Variants in TBC1D21 observed in about 807,000 individuals in gnomAD.
TBC1D21 encodes the protein TBC1 domain family member 21.
A neutral mutation model predicts 46.0 loss-of-function variants in TBC1D21; 38 were observed. The ratio of observed to expected loss-of-function variants is 0.83; its 90% CI spans 0.64 to 1.08. The LOEUF (loss-of-function observed/expected upper bound fraction) is 1.08, where lower values mean the gene tolerates loss of function less well. Ranked by LOEUF, TBC1D21 falls within the 50% of genes least tolerant of loss-of-function variation. The probability of loss-of-function intolerance (pLI) is 0.00; values close to 1 mark genes in which losing one functional copy is unlikely to be tolerated. For missense variants in TBC1D21, 415 were observed against 417.9 expected (o/e 0.99, Z 0.06); for synonymous variants, 151 against 157.2 (o/e 0.96, Z 0.29).
downstream of TBC1D21, among the ~76,000 whole-genome samples, chr15:73,892,908 C>T (rs974294907): frequency 1.3e-5 from 2 of 152,066 alleles, no homozygotes; most frequent in South Asian, 2.1e-4. Flanking sequence ...ATGTCGGCGA[C>T]GTCAGTGATG....
At chr15:73,898,902 T>TATACAC in the TBC1D21 span, among the ~76,000 whole-genome samples, 2 of 112,876 alleles carry the variant, frequency 1.8e-5, no homozygotes, top group Non-Finnish European at 1.8e-5. Flanking sequence ...TATATATATA[T>TATACAC]ACACACACAC....
chr15:73,894,581 T>C, the TBC1D21 span, among the ~76,000 whole-genome samples: 2 of 151,680 alleles, frequency 1.3e-5, no homozygotes, highest in African/African-American at 4.8e-5. Context: ...CAGGGGTGAG[T>C]GTGGGGACCC....
intron 10 of TBC1D21, 126 bp downstream of exon 10, chr15:73,888,639 T>TTCTTCTTCCTCCTCC (rs1480860480): frequency 2.7e-5 from 18 of 673,976 alleles, no homozygotes; most frequent in Non-Finnish European, 3.8e-5. Context: ...CCTCCTCCTC[T>TTCTTCTTCCTCCTCC]TCTTCTTCCT....
chr15:73,905,014 G>A, the TBC1D21 span, among the ~76,000 whole-genome samples: 1 of 152,192 alleles, frequency 6.6e-6, no homozygotes, highest in African/African-American at 2.4e-5. Context: ...ACAAACTGGA[G>A]AGTGACAAAC....
chr15:73,877,973 A>T (rs1266423806), intron 1 of TBC1D21, among the ~76,000 whole-genome samples: 2 of 152,250 alleles, frequency 1.3e-5, no homozygotes, highest in African/African-American at 4.8e-5. Flanking sequence ...CTGAACTGTG[A>T]AAGCCTGAAT....
At chr15:73,890,409 G>T (rs2068327422), downstream of TBC1D21, among the ~76,000 whole-genome samples, 1 of 152,228 alleles carries the variant, frequency 6.6e-6, no homozygotes, top group South Asian at 2.1e-4. Flanking sequence ...GCTCATGTTT[G>T]CTGGGCAGGG....
the TBC1D21 span, among the ~76,000 whole-genome samples, chr15:73,904,022 T>C: frequency 6.6e-6 from 1 of 152,326 alleles, no homozygotes; most frequent in African/African-American, 2.4e-5. Flanking sequence ...CACTCCAGCC[T>C]GGGCAACAGA....
intron 8 of TBC1D21, 81 bp downstream of exon 8, chr15:73,886,693 C>G: frequency 7.6e-7 from 1 of 1,311,970 alleles, no homozygotes; most frequent in Non-Finnish European, 1.1e-6. Context: ...CTTGCCTCCC[C>G]CTTTCTTCCT....
chr15:73,893,824 C>G (rs563893238), downstream of TBC1D21, among the ~76,000 whole-genome samples: 12 of 152,290 alleles, frequency 7.9e-5, no homozygotes, highest in Admixed American at 1.3e-4. Context: ...TAGGAAGGGC[C>G]TCCACTGCCC....
At chr15:73,906,808 G>T in the TBC1D21 span, among the ~76,000 whole-genome samples, 2 of 152,184 alleles carry the variant, frequency 1.3e-5, no homozygotes, top group Non-Finnish European at 2.9e-5. Context: ...GATCTGAGTT[G>T]TGCTGAGTGT....
chr15:73,882,112 C>T lies in TBC1D21; in HGVS notation c.272+365C>T, dbSNP rs539037784. On this transcript the variant is annotated intron_variant, in intron 3 of 10. Coordinates refer to ENST00000300504, the MANE Select transcript of TBC1D21 (RefSeq NM_153356.3). Reference sequence around the variant, plus strand: ...CCACCCCAACTCCACCTCCTCCCTGCCCCCCATGGCTGAGCTGCCTCCCGG... The same window carrying T: ...CCACCCCAACTCCACCTCCTCCCTGTCCCCCATGGCTGAGCTGCCTCCCGG... Among the ~76,000 whole-genome samples the T allele has an allele frequency of 2.6e-5, 4 of 152,168 alleles. No homozygotes were observed. The South Asian group carries it at 8.3e-4, about 32-fold the overall frequency.
At chr15:73,885,813 C>T (rs1280312733) in intron 6 of TBC1D21, among the ~76,000 whole-genome samples, 1 of 106,882 alleles carries the variant, frequency 9.4e-6, no homozygotes, top group Non-Finnish European at 2.1e-5. Flanking sequence ...ACTACACACA[C>T]ATACACACAC....
rs544041405 is a variant in TBC1D21 at position 73,882,607 on chromosome 15, C to T, written c.272+860C>T. On this transcript the variant is annotated intron_variant, in intron 3 of 10. Transcript: ENST00000300504. ...TAACACACCATCTTTGAACTTGGAC[C>T]GTCTTGGATTTGGAAACCGGGTTCA... 2.0e-5 allele frequency among the ~76,000 whole-genome samples: 3 copies of T among 152,224 alleles called. No homozygotes were observed. The South Asian group carries it at 6.2e-4, about 32-fold the overall frequency.
At chr15:73,899,846 C>T in the TBC1D21 span, among the ~76,000 whole-genome samples, 1 of 152,182 alleles carries the variant, frequency 6.6e-6, no homozygotes, top group Non-Finnish European at 1.5e-5. Context: ...TAATTAAAAA[C>T]ATAGGCAGGA....
rs780837552 is a variant in TBC1D21, at chr15:73,887,630, C to T, written c.788C>T (p.Thr263Met). The T allele has an allele frequency of 1.7e-5, 27 of 1,613,860 alleles. No homozygotes were observed. Among genetic ancestry groups the T allele is most frequent in the East Asian group, 4.5e-5 (2 of 44,892 alleles). ...DVWRLWEVLL[T>M]GKPCRNFQVL... ...CGTCCTGACCCACAGGTTCTGCTGA[C>T]GGGGAAGCCCTGCAGGAACTTCCAG... The change falls in exon 9 of 11, where the codon ACG (threonine) becomes ATG (methionine). Residue 263 changes from threonine to methionine, a missense_variant. Thr to Met is a moderately conservative substitution (Grantham distance 81). Transcript: ENST00000300504.
chr15:73,889,701 A>G (rs2068320884), downstream of TBC1D21, among the ~76,000 whole-genome samples: 1 of 152,254 alleles, frequency 6.6e-6, no homozygotes, highest in African/African-American at 2.4e-5. Context: ...AGCCTCCCTC[A>G]TAATTGTGCC....
At chr15:73,878,254 T>C (rs1567063444) in intron 1 of TBC1D21, among the ~76,000 whole-genome samples, 1 of 152,212 alleles carries the variant, frequency 6.6e-6, no homozygotes, top group African/African-American at 2.4e-5. Context: ...TCTGCCATCA[T>C]AGCATGAAAA....
intron 9 of TBC1D21, 24 bp downstream of exon 9, chr15:73,887,760 A>G: frequency 1.3e-6 from 2 of 1,598,044 alleles, no homozygotes; most frequent in South Asian, 1.1e-5. Flanking sequence ...CGGGCAAGCT[A>G]CCACCCCTGC....
At chr15:73,903,428 C>A in the TBC1D21 span, among the ~76,000 whole-genome samples, 9 of 152,208 alleles carry the variant, frequency 5.9e-5, no homozygotes, top group Admixed American at 2.0e-4. Flanking sequence ...CTGTTCTGTA[C>A]ACTCAGAGGG....
Sources: gnomAD v4.1 joint callset for allele counts (sites outside exome capture counted in the v4.1 genomes callset) on GRCh38, gnomAD v4.1.1 for gene constraint, MANE v1.5 for transcripts, NCBI Gene and HGNC (gene_info 2026-07-23, HGNC 2026-07-21) for gene names.